Variants in PTPRR observed in about 807,000 individuals in gnomAD.
PTPRR encodes receptor-type tyrosine-protein phosphatase R.
PTPRR carries 38 observed loss-of-function variants against 77.2 expected under a neutral mutation model. That is an observed-to-expected ratio of 0.49 (90% confidence interval 0.38 to 0.65). PTPRR has a LOEUF of 0.65. Among genes scored for constraint, PTPRR ranks in the 30% least tolerant of loss-of-function variants. The probability of loss-of-function intolerance (pLI) is 0.00; values close to 1 mark genes in which losing one functional copy is unlikely to be tolerated. For synonymous variants in PTPRR, 299 were observed against 283.1 expected, an observed-to-expected ratio of 1.06 and a Z score of -0.57; for missense variants, 744 against 799.2, an observed-to-expected ratio of 0.93 and a Z score of 0.83.
At chr12:70,750,467 G>A (rs1296759125) in intron 5 of PTPRR, among the ~76,000 whole-genome samples, 1 of 152,186 alleles carries the variant, frequency 6.6e-6, no homozygotes, top group Non-Finnish European at 1.5e-5. Context: ...GAAAGTGATA[G>A]TACAAGTATC....
intron 5 of PTPRR, 78 bp from the exon 6 acceptor site, chr12:70,746,164 G>T (rs1309099602): frequency 1.1e-5 from 15 of 1,372,658 alleles, no homozygotes; most frequent in Non-Finnish European, 1.5e-5. Context: ...ACCCCACCCT[G>T]GCCGACAAAC....
At chr12:70,856,584 A>G (rs1328438539) in intron 2 of PTPRR, among the ~76,000 whole-genome samples, 3 of 152,334 alleles carry the variant, frequency 2.0e-5, no homozygotes, top group South Asian at 4.1e-4. Context: ...TATGAGTAAT[A>G]TAATGATATT....
chr12:70,886,165 A>T (rs1893236350), intron 2 of PTPRR, among the ~76,000 whole-genome samples: 1 of 152,150 alleles, frequency 6.6e-6, no homozygotes, highest in Admixed American at 6.5e-5. Context: ...AATAGCTAGA[A>T]ATGGTGAAAA....
chr12:70,715,574 G>C (rs932832462), intron 6 of PTPRR, among the ~76,000 whole-genome samples: 5 of 152,128 alleles, frequency 3.3e-5, no homozygotes, highest in African/African-American at 1.2e-4. Context: ...AGATGGCCAC[G>C]CCCAGGGGGG....
intron 2 of PTPRR, among the ~76,000 whole-genome samples, chr12:70,785,711 A>G (rs1891306341): frequency 6.6e-6 from 1 of 152,240 alleles, no homozygotes; most frequent in African/African-American, 2.4e-5. Context: ...TAAAAGTTAC[A>G]GACAGGTCTA....
At chr12:70,785,455 A>T (rs995347820) in intron 2 of PTPRR, among the ~76,000 whole-genome samples, 3 of 152,178 alleles carry the variant, frequency 2.0e-5, no homozygotes, top group African/African-American at 4.8e-5. Context: ...TAGAAATTAC[A>T]TGAAGAACTT....
intron 6 of PTPRR, among the ~76,000 whole-genome samples, chr12:70,741,722 C>T (rs76310220): frequency 0.012 from 1,759 of 152,120 alleles, 20 homozygotes; most frequent in Non-Finnish European, 0.015. Context: ...CCTAAGAAAA[C>T]GCCCATGGGC....
At chr12:70,811,040 A>G (rs1198283853) in intron 2 of PTPRR, among the ~76,000 whole-genome samples, 2 of 152,156 alleles carry the variant, frequency 1.3e-5, no homozygotes, top group South Asian at 2.1e-4. Context: ...GATTTCTCGG[A>G]GACAGTGAGG....
At chr12:70,754,683 C>A in intron 4 of PTPRR, 1 of 1,596,900 alleles carries the variant, frequency 6.3e-7, no homozygotes, top group Non-Finnish European at 8.5e-7. Flanking sequence ...ACATCAGCAC[C>A]CTGGATTACG....
intron 6 of PTPRR, among the ~76,000 whole-genome samples, chr12:70,718,329 G>A (rs752067866): frequency 7.9e-5 from 12 of 151,618 alleles, no homozygotes; most frequent in Non-Finnish European, 1.2e-4. Context: ...GCAATAGCAC[G>A]ATCTCAGCTC....
intron 10 of PTPRR, among the ~76,000 whole-genome samples, chr12:70,680,111 T>A (rs965362724): frequency 6.6e-6 from 1 of 152,232 alleles, no homozygotes; most frequent in Non-Finnish European, 1.5e-5. Context: ...TAGAATATTT[T>A]AAGCTGATAA....
chr12:70,820,288 T>C (rs1891980719), intron 2 of PTPRR, among the ~76,000 whole-genome samples: 1 of 152,180 alleles, frequency 6.6e-6, no homozygotes, highest in Non-Finnish European at 1.5e-5. Context: ...AGAGACTCTC[T>C]TCTTGATAAA....
chr12:70,660,877 C>T, intron 12 of PTPRR, 63 bp downstream of exon 12: 1 of 1,483,232 alleles, frequency 6.7e-7, no homozygotes, highest in Non-Finnish European at 9.0e-7. Context: ...CCACTTGCAC[C>T]TGCTCTGTGA....
At chr12:70,917,614 A>T (rs1893794291) in intron 1 of PTPRR, among the ~76,000 whole-genome samples, 1 of 151,792 alleles carries the variant, frequency 6.6e-6, no homozygotes, top group South Asian at 2.1e-4. Context: ...CCCACTCCTC[A>T]TTTTTCTCCC....
intron 2 of PTPRR, among the ~76,000 whole-genome samples, chr12:70,803,398 A>G (rs1891651248): frequency 6.6e-6 from 1 of 152,192 alleles, no homozygotes; most frequent in South Asian, 2.1e-4. Context: ...TACCAAGTCA[A>G]TATGTCCAGA....
chr12:70,798,224 C>T (rs1891550329), intron 2 of PTPRR, among the ~76,000 whole-genome samples: 2 of 152,154 alleles, frequency 1.3e-5, no homozygotes, highest in South Asian at 4.1e-4. Flanking sequence ...CCCACTCCAT[C>T]CTCAGATATG....
chr12:70,756,978 A>G (rs1028564644), intron 4 of PTPRR, among the ~76,000 whole-genome samples: 1 of 152,192 alleles, frequency 6.6e-6, no homozygotes, highest in Non-Finnish European at 1.5e-5. Flanking sequence ...GATGTATCCT[A>G]TAACAATATG....
At chr12:70,884,968 GTTT>G (rs1303689122) in intron 2 of PTPRR, among the ~76,000 whole-genome samples, 1 of 149,450 alleles carries the variant, frequency 6.7e-6, no homozygotes, top group African/African-American at 2.5e-5. Flanking sequence ...GAAATAGAAT[GTTT>G]TGTATCTTCT....
chr12:70,672,640 G>C (rs1041482868), intron 10 of PTPRR: 1 of 1,529,018 alleles, frequency 6.5e-7, no homozygotes, highest in African/African-American at 1.4e-5. Flanking sequence ...AGTGAATGGG[G>C]AAGTGGTCCA....
Sources: gnomAD v4.1 joint callset for allele counts (sites outside exome capture counted in the v4.1 genomes callset) on GRCh38, gnomAD v4.1.1 for gene constraint, MANE v1.5 for transcripts, NCBI Gene and HGNC (gene_info 2026-07-23, HGNC 2026-07-21) for gene names.